SPTB: variants seen among roughly 807,000 people sequenced by gnomAD.
SPTB encodes spectrin beta, erythrocytic, also known as spectrin beta chain, erythrocytic.
Under a neutral mutation model 256.2 loss-of-function variants are expected in SPTB, and 45 were observed. The ratio of observed to expected loss-of-function variants is 0.18; its 90% CI spans 0.14 to 0.23. The LOEUF (loss-of-function observed/expected upper bound fraction) is 0.23, where lower values mean the gene tolerates loss of function less well. Among genes scored for constraint, SPTB ranks in the 10% least tolerant of loss-of-function variants. The pLI is 1.00. For missense variants in SPTB, 2,715 were observed against 3,040.4 expected (o/e 0.89, Z 2.52); for synonymous variants, 1,231 against 1,243.1 (o/e 0.99, Z 0.21).
chr14:64,765,757 G>A (rs761298683), intron 32 of SPTB, among the ~76,000 whole-genome samples: 7 of 151,512 alleles, frequency 4.6e-5, no homozygotes, highest in East Asian at 1.9e-4. Flanking sequence ...CTTCACCACT[G>A]AAGATGCCTG....
At chr14:64,814,602 G>A (rs969027675) in intron 2 of SPTB, among the ~76,000 whole-genome samples, 1 of 152,144 alleles carries the variant, frequency 6.6e-6, no homozygotes, top group African/African-American at 2.4e-5. Flanking sequence ...TGTAACCTTT[G>A]CCTCCTGGGT....
Position 64,795,237 on chromosome 14 carries a change from C to A in SPTB, c.1644+100G>T. 7.3e-7 allele frequency: 1 copy of A among 1,374,790 alleles called. No homozygotes were observed. The highest frequency in any genetic ancestry group is 1.0e-6 in the Non-Finnish European group (1 of 1,000,494). 85.2% of individuals were successfully genotyped at this position (1,374,790 alleles called of 1,614,324 possible). A position where few individuals can be genotyped will look rare whatever the true frequency, so the allele number is the denominator to read the frequency against. ...TCTCTATTTTGACTCAGAGATATGA[C>A]TGGCTGGGAGGTGTCTAAGGAAGCC... On this transcript the variant is annotated intron_variant, in intron 12 of 35. Coordinates refer to ENST00000644917, the MANE Select transcript of SPTB (RefSeq NM_001355436.2). This position sits in a 1 kb window ranked among gnomAD's most constrained non-coding sequence, Gnocchi z 6.5.
chr14:64,787,131 T>G lies in SPTB; in HGVS notation c.2834A>C (p.Glu945Ala), dbSNP rs1293991279. 6.2e-7 allele frequency: 1 copy of G among 1,607,646 alleles called. No homozygotes were observed. The highest frequency in any genetic ancestry group is 8.5e-7 in the Non-Finnish European group (1 of 1,179,978). Residue 945 changes from glutamate (E) to alanine (A), a missense_variant, in exon 16 of 36, where the codon GAG (glutamate) becomes GCG (alanine). Glu to Ala is a moderately radical substitution (Grantham distance 107, BLOSUM62 -1). Around this residue, in one of 4 missense-constraint regions of SPTB, gnomAD observed 2,239 missense variants for 2,384.4 expected, o/e 0.94. Transcript: ENST00000644917. Reference protein sequence around the residue: ...RWQAFQTLVSERREAVDSALR... With the variant: ...RWQAFQTLVSARREAVDSALR... ...GGCTGAGTCCACAGCCTCCCGCCGC[T>G]CCGACACCAGGGTCTGAAATGCCTG...
intron 9 of SPTB, among the ~76,000 whole-genome samples, chr14:64,798,556 G>C (rs2082820618): frequency 6.6e-6 from 1 of 152,206 alleles, no homozygotes; most frequent in Non-Finnish European, 1.5e-5. Flanking sequence ...TCAAGGATCA[G>C]CTATATGCAA....
Position 64,844,244 on chromosome 14 carries a change from A to G in SPTB, c.-51-21099T>C, listed in dbSNP as rs995335052. Among the ~76,000 whole-genome samples the G allele has an allele frequency of 6.6e-6, 1 of 152,092 alleles. No homozygotes were observed. Among genetic ancestry groups the G allele is most frequent in the Non-Finnish European group, 1.5e-5 (1 of 68,012 alleles). ...CCAGCCTGTCTTTATTATTATAGTT[A>G]CCCTTGACTGCCAGCAAATGCACGT... On this transcript the variant is annotated intron_variant, in intron 1 of 35. Transcript: ENST00000644917. This position sits in a 1 kb window ranked among gnomAD's most constrained non-coding sequence, Gnocchi z 4.1.
chr14:64,768,622 G>A (rs542724292), intron 29 of SPTB, among the ~76,000 whole-genome samples: 1 of 151,990 alleles, frequency 6.6e-6, no homozygotes, highest in Admixed American at 6.5e-5. Flanking sequence ...GAATGTCTGG[G>A]ATTCCTCAGA....
intron 9 of SPTB, among the ~76,000 whole-genome samples, chr14:64,798,930 C>T (rs1391964184): frequency 6.6e-6 from 1 of 152,094 alleles, no homozygotes; most frequent in East Asian, 1.9e-4. Flanking sequence ...TGGAATGCCC[C>T]GTGTGTATGT....
chr14:64,758,640 C>T lies in SPTB; in HGVS notation c.6346-4847G>A, dbSNP rs1022602437. 1.3e-5 allele frequency among the ~76,000 whole-genome samples: 2 copies of T among 152,226 alleles called. No individual in the cohort carries two copies. Among genetic ancestry groups the T allele is most frequent in the South Asian group, 2.1e-4 (1 of 4,832 alleles). ...AGGAAGATTGTGTCTAGATATATAT[C>T]CAAGAGGTCAAATCCTTTTCTGAAG... On this transcript the variant is annotated intron_variant, in intron 32 of 35. Transcript: ENST00000644917. The surrounding 1 kb of genome is among the most constrained non-coding windows in gnomAD (Gnocchi z 4.6).
intron 32 of SPTB, among the ~76,000 whole-genome samples, chr14:64,762,693 AG>A (rs2082111470): frequency 6.6e-6 from 1 of 152,224 alleles, no homozygotes; most frequent in Admixed American, 6.5e-5. Context: ...CAGTGCTGGA[AG>A]GCCACGCGGA....
intron 33 of SPTB, chr14:64,752,228 C>T: frequency 7.4e-7 from 1 of 1,348,552 alleles, no homozygotes; most frequent in Non-Finnish European, 9.8e-7. Flanking sequence ...AAGCATGTTG[C>T]TGCATTTCTA....
intron 2 of SPTB, among the ~76,000 whole-genome samples, chr14:64,822,344 C>A (rs2139697924): frequency 4.8e-5 from 3 of 62,216 alleles, no homozygotes; most frequent in Admixed American, 1.5e-4. Context: ...TATTCTCCAC[C>A]CCCACCTTCT....
Position 64,804,921 on chromosome 14 carries a change from C to T in SPTB, c.300+18G>A. On this transcript the variant is annotated intron_variant, in intron 3 of 35. Transcript: ENST00000644917. ...GGGCCGATGGCAGCAGCCCCGGGGCCCACAGAAGGGACTTTACCAGCATCT... is the reference window on the plus strand; with the variant it reads ...GGGCCGATGGCAGCAGCCCCGGGGCTCACAGAAGGGACTTTACCAGCATCT... 1 of 1,613,696 alleles carries T rather than the reference C, an allele frequency of 6.2e-7. No homozygotes were observed. Among genetic ancestry groups the T allele is most frequent in the Non-Finnish European group, 8.5e-7 (1 of 1,179,980 alleles).
In SPTB at chr14:64,749,711, G is replaced by C. The variant is rs764016283; in HGVS notation, c.6777-15C>G. ...CATTACTCAGCCTAGGAGGACAAAG[G>C]GTTTCCTGTCATGGAGACACCTCTG... is the stretch of plus-strand genomic sequence containing the variant. On this transcript the variant is annotated splice_polypyrimidine_tract_variant and intron_variant, in intron 34 of 35. Coordinates refer to ENST00000644917, the MANE Select transcript of SPTB (RefSeq NM_001355436.2). This position sits in a 1 kb window ranked among gnomAD's most constrained non-coding sequence, Gnocchi z 4.7. 37 of 1,613,318 alleles carry C rather than the reference G, an allele frequency of 2.3e-5. No homozygotes were observed. In the South Asian group the frequency reaches 3.7e-4, roughly 16 times the overall value.
Position 64,784,309 on chromosome 14 carries a change from T to C in SPTB, c.3940A>G (p.Lys1314Glu), listed in dbSNP as rs1479756011. The C allele has an allele frequency of 2.5e-6, 4 of 1,614,138 alleles. No individual in the cohort carries two copies. Among genetic ancestry groups the C allele is most frequent in the Admixed American group, 1.7e-5 (1 of 60,012 alleles). ...EARNLHNKWLKHQAFVAELAS... is the reference protein window; with the variant it reads ...EARNLHNKWLEHQAFVAELAS... ...AGCTCTGCCACAAACGCCTGGTGCTTTAGCCATTTATTGTGAAGGTTTCGT... is the reference window on the plus strand; with the variant it reads ...AGCTCTGCCACAAACGCCTGGTGCTCTAGCCATTTATTGTGAAGGTTTCGT... The change falls in exon 19 of 36, where the codon AAG (lysine) becomes GAG (glutamate). Residue 1314 changes from lysine to glutamate, a missense_variant. By Grantham distance (56) the Lys-to-Glu change is moderately conservative. Transcript: ENST00000644917.
chr14:64,766,302 G>C, intron 32 of SPTB: 1 of 882,872 alleles, frequency 1.1e-6, no homozygotes, highest in Non-Finnish European at 1.5e-6. Flanking sequence ...ATGTGCCTGT[G>C]TGTAGGTGTG....
chr14:64,856,766 TTG>T (rs2083881405), intron 1 of SPTB, among the ~76,000 whole-genome samples: 1 of 152,328 alleles, frequency 6.6e-6, no homozygotes, highest in Admixed American at 6.5e-5. Context: ...CCTCAAGAAT[TTG>T]TTTCTTGTTT....
In SPTB at chr14:64,828,001, G is replaced by T. The variant is rs2083399718; in HGVS notation, c.-51-4856C>A. Among the ~76,000 whole-genome samples, 7 of 152,152 alleles carry T rather than the reference G, an allele frequency of 4.6e-5. No homozygotes were observed. The South Asian group carries it at 1.5e-3, about 32-fold the overall frequency. On this transcript the variant is annotated intron_variant, in intron 1 of 35. Coordinates refer to ENST00000644917, the MANE Select transcript of SPTB (RefSeq NM_001355436.2). The stretch of plus-strand genomic sequence containing the variant: ...ACTTCCCCTCCCCAGAGCACATTCT[G>T]CTTTTTCACACTACAGCTCCCATCC...
intron 1 of SPTB, among the ~76,000 whole-genome samples, chr14:64,861,868 C>T (rs1881861392): frequency 6.6e-6 from 1 of 152,212 alleles, no homozygotes; most frequent in Non-Finnish European, 1.5e-5. Context: ...ATTAACCATC[C>T]TTTTCTCAAA....
In SPTB at chr14:64,749,523, C is replaced by A; in HGVS notation, c.6820-50G>T. ...AGTCTGGAGGCCCACAGCCCCCCACCTCCCGGGCCAGGCAACAATGGTGGG... is the reference window on the plus strand; with the variant it reads ...AGTCTGGAGGCCCACAGCCCCCCACATCCCGGGCCAGGCAACAATGGTGGG... On this transcript the variant is annotated intron_variant, in intron 35 of 35. Transcript: ENST00000644917. This position sits in a 1 kb window ranked among gnomAD's most constrained non-coding sequence, Gnocchi z 4.7. 1 of 1,598,096 alleles carries A rather than the reference C, an allele frequency of 6.3e-7. No individual in the cohort carries two copies. The highest frequency in any genetic ancestry group is 8.5e-7 in the Non-Finnish European group (1 of 1,177,398).
Sources: gnomAD v4.1 joint callset for allele counts (sites outside exome capture counted in the v4.1 genomes callset) on GRCh38, gnomAD v4.1.1 for gene constraint, gnomAD v4.1.1 regional missense constraint, Gnocchi (gnomAD v3.1) non-coding constraint, MANE v1.5 for transcripts, NCBI Gene and HGNC (gene_info 2026-07-23, HGNC 2026-07-21) for gene names.